EPM2A: variants seen among roughly 807,000 people sequenced by gnomAD.
EPM2A encodes the protein laforin.
A neutral mutation model predicts 26.5 loss-of-function variants in EPM2A; 21 were observed. The observed-to-expected ratio is 0.79, with a 90% CI of 0.56 to 1.14. The LOEUF (loss-of-function observed/expected upper bound fraction) is 1.14, where lower values mean the gene tolerates loss of function less well. Ranked by LOEUF, EPM2A falls within the 50% of genes most tolerant of loss-of-function variation. EPM2A has a pLI of 0.00. For missense variants in EPM2A, 458 were observed against 440.8 expected (o/e 1.04, Z -0.35); for synonymous variants, 217 against 177.6 (o/e 1.22, Z -1.76).
At chr6:145,558,598 A>C (rs1162514669) in intron 2 of EPM2A, among the ~76,000 whole-genome samples, 1 of 152,036 alleles carries the variant, frequency 6.6e-6, no homozygotes, top group Non-Finnish European at 1.5e-5. Flanking sequence ...ATATAGTAAT[A>C]TCTTATTGTG....
At chr6:145,452,875 G>T (rs1779215745) in intron 4 of EPM2A, among the ~76,000 whole-genome samples, 1 of 152,084 alleles carries the variant, frequency 6.6e-6, no homozygotes, top group South Asian at 2.1e-4. Flanking sequence ...GGGATATGGG[G>T]AATCTCCTGG....
intron 2 of EPM2A, among the ~76,000 whole-genome samples, chr6:145,613,561 T>C (rs997695430): frequency 6.6e-6 from 1 of 152,200 alleles, no homozygotes; most frequent in African/African-American, 2.4e-5. Context: ...ATTCCTTAAA[T>C]AATAAGACTT....
intron 4 of EPM2A, among the ~76,000 whole-genome samples, chr6:145,446,354 C>T (rs1301719987): frequency 1.3e-5 from 2 of 152,182 alleles, no homozygotes; most frequent in Non-Finnish European, 2.9e-5. Context: ...GCAAAAGTAA[C>T]TGAAACACTA....
At chr6:145,496,018 T>C (rs1779814931) in intron 4 of EPM2A, among the ~76,000 whole-genome samples, 1 of 152,184 alleles carries the variant, frequency 6.6e-6, no homozygotes, top group African/African-American at 2.4e-5. Context: ...TCTCTCAGCA[T>C]TTGCTTGTCT....
upstream of EPM2A, chr6:145,735,635 G>A: frequency 9.2e-7 from 1 of 1,083,188 alleles, no homozygotes. Flanking sequence ...GCTGTTCTGC[G>A]CCTTCTTTGG....
At chr6:145,413,778 T>G (rs1262163055) in intron 4 of EPM2A, among the ~76,000 whole-genome samples, 2 of 152,152 alleles carry the variant, frequency 1.3e-5, no homozygotes, top group Non-Finnish European at 2.9e-5. Context: ...TCCTGACAAA[T>G]AGCTTATTTT....
At chr6:145,525,084 T>C (rs1780252399) in intron 2 of EPM2A, among the ~76,000 whole-genome samples, 2 of 152,048 alleles carry the variant, frequency 1.3e-5, no homozygotes, top group African/African-American at 2.4e-5. Flanking sequence ...ACTGTACGTA[T>C]GCAGCTTTAT....
chr6:145,400,218 C>T (rs1778464326), intron 4 of EPM2A, among the ~76,000 whole-genome samples: 1 of 152,170 alleles, frequency 6.6e-6, no homozygotes, highest in Non-Finnish European at 1.5e-5. Context: ...GGCATTGATG[C>T]TGACTGAGAA....
chr6:145,390,046 C>G (rs915037144), intron 4 of EPM2A, among the ~76,000 whole-genome samples: 3 of 152,130 alleles, frequency 2.0e-5, no homozygotes, highest in Non-Finnish European at 4.4e-5. Flanking sequence ...GAGAGAGACA[C>G]AGAGAGCAAG....
chr6:145,502,423 T>A (rs1183509776), intron 3 of EPM2A: 2 of 446,284 alleles, frequency 4.5e-6, no homozygotes, highest in Non-Finnish European at 4.5e-6. Context: ...CAGTGTCCTC[T>A]GAATGACTGC....
At chr6:145,690,196 T>A (rs955983639) in intron 1 of EPM2A, among the ~76,000 whole-genome samples, 2 of 152,068 alleles carry the variant, frequency 1.3e-5, no homozygotes, top group Admixed American at 6.5e-5. Flanking sequence ...AGAATTCAGT[T>A]AAAATCAAAG....
At chr6:145,406,783 C>T (rs1279378181) in intron 4 of EPM2A, among the ~76,000 whole-genome samples, 1 of 152,100 alleles carries the variant, frequency 6.6e-6, no homozygotes, top group Non-Finnish European at 1.5e-5. Context: ...AGTATTGACC[C>T]CACCAACAAC....
intron 4 of EPM2A, among the ~76,000 whole-genome samples, chr6:145,441,079 T>C (rs1343629298): frequency 1.3e-5 from 2 of 152,184 alleles, no homozygotes; most frequent in African/African-American, 4.8e-5. Context: ...CTGCAGCAAA[T>C]CTCTGCCTGG....
chr6:145,732,317 T>A (rs186013506), intron 1 of EPM2A, among the ~76,000 whole-genome samples: 13 of 151,610 alleles, frequency 8.6e-5, no homozygotes. Flanking sequence ...ACTTCCTGCA[T>A]AATAGGATTA....
At chr6:145,479,761 G>A (rs1025740074) in intron 4 of EPM2A, among the ~76,000 whole-genome samples, 1 of 151,856 alleles carries the variant, frequency 6.6e-6, no homozygotes, top group African/African-American at 2.4e-5. Context: ...CAATTCTTCT[G>A]GGTACCTACC....
In EPM2A at chr6:145,735,203, C is replaced by A; in HGVS notation, c.296G>T (p.Trp99Leu). 6.6e-7 allele frequency: 1 copy of A among 1,521,464 alleles called. No homozygotes were observed. Among genetic ancestry groups the A allele is most frequent in the Non-Finnish European group, 8.8e-7 (1 of 1,131,618 alleles). The allele number at this position is 1,521,464 out of a possible 1,614,324, so 94.2% of individuals were successfully genotyped here. Residue 99 changes from tryptophan (W) to leucine (L), a missense_variant, in exon 1 of 4, where the codon TGG becomes TTG. By Grantham distance (61) the Trp-to-Leu change is moderately conservative. Coordinates refer to ENST00000367519, the MANE Select transcript of EPM2A (RefSeq NM_005670.4). The part of the protein sequence containing the change: ...LKREPGGELS[W>L]EGNGPHHDRC... ...CAGGCGTCTGCTGGCAATACCTTCCCAGGAGAGCTCTCCTCCCGGCTCCCG... is the reference window on the plus strand; with the variant it reads ...CAGGCGTCTGCTGGCAATACCTTCCAAGGAGAGCTCTCCTCCCGGCTCCCG...
downstream of EPM2A, among the ~76,000 whole-genome samples, chr6:145,621,607 T>C (rs1237549409): frequency 1.3e-5 from 2 of 151,790 alleles, no homozygotes; most frequent in Non-Finnish European, 2.9e-5. Flanking sequence ...ACATTTACTA[T>C]CTCTTGCTTT....
chr6:145,733,591 C>T (rs1277691675), intron 1 of EPM2A, among the ~76,000 whole-genome samples: 1 of 152,024 alleles, frequency 6.6e-6, no homozygotes, highest in Non-Finnish European at 1.5e-5. Context: ...TTGTTTCACA[C>T]CATTTCCATT....
intron 1 of EPM2A, among the ~76,000 whole-genome samples, chr6:145,687,527 C>A (rs965286535): frequency 3.3e-5 from 5 of 151,970 alleles, no homozygotes; most frequent in African/African-American, 9.7e-5. Flanking sequence ...CAAATCATGC[C>A]TCTCTTTATA....
Sources: allele counts gnomAD v4.1 joint callset (sites outside exome capture counted in the v4.1 genomes callset), GRCh38; gene constraint gnomAD v4.1.1; transcripts MANE v1.5; gene names NCBI Gene and HGNC (gene_info 2026-07-23, HGNC 2026-07-21).